IGF2BP1: variants seen among roughly 807,000 people sequenced by gnomAD.
IGF2BP1 encodes the protein insulin like growth factor 2 mRNA binding protein 1, also known as insulin-like growth factor 2 mRNA-binding protein 1.
In IGF2BP1, 11 loss-of-function variants were observed where a neutral mutation model predicts 74.9. That is an observed-to-expected ratio of 0.15 (90% CI 0.09 to 0.24). IGF2BP1 has a LOEUF of 0.24. Ranked by LOEUF, IGF2BP1 falls within the 10% of genes least tolerant of loss-of-function variation. The probability of loss-of-function intolerance (pLI) is 1.00; values close to 1 mark genes in which losing one functional copy is unlikely to be tolerated. For missense variants in IGF2BP1, 440 were observed against 757.4 expected, an observed-to-expected ratio of 0.58 and a Z score of 4.92; for synonymous variants, 287 against 281.8, an observed-to-expected ratio of 1.02 and a Z score of -0.18.
At chr17:49,038,144 T>C (rs1295080413) in intron 5 of IGF2BP1, 24 bp from the exon 6 acceptor site, 9 of 1,470,950 alleles carry the variant, frequency 6.1e-6, no homozygotes, top group Non-Finnish European at 8.1e-6. Flanking sequence ...TGGAATGACC[T>C]GTAGACTCTC....
chr17:49,025,848 C>T (rs1286817107), intron 3 of IGF2BP1, among the ~76,000 whole-genome samples, 182 bp downstream of exon 3: 1 of 121,982 alleles, frequency 8.2e-6, no homozygotes, highest in East Asian at 2.0e-4. Context: ...TTCTTTCTTT[C>T]TTTTCTTTCT....
At position 49,038,204 on chromosome 17, in the gene IGF2BP1, C is replaced by T. The variant is rs1567824526; in HGVS notation, c.438C>T (p.Asn146=). 1 of 1,533,618 alleles carries T rather than the reference C, an allele frequency of 6.5e-7. No homozygotes were observed. Among genetic ancestry groups the T allele is most frequent in the Non-Finnish European group, 8.8e-7 (1 of 1,136,712 alleles). Residue 146 remains asparagine (N), a synonymous_variant, in exon 6 of 15, where the codon AAC becomes AAT. Coordinates refer to ENST00000290341, the MANE Select transcript of IGF2BP1 (RefSeq NM_006546.4). ...IMKLNGHQLE[N]HALKVSYIPD... is the part of the protein sequence containing the mutation. ...AGCTGAATGGCCACCAGTTGGAGAA[C>T]CATGCCCTGAAGGTCTCCTACATCC...
chr17:49,050,668 G>A lies in IGF2BP1; in HGVS notation c.*1224G>A, dbSNP rs1233741972. On this transcript the variant is annotated 3_prime_UTR_variant, in exon 15 of 15. Coordinates refer to ENST00000290341, the MANE Select transcript of IGF2BP1 (RefSeq NM_006546.4). ...ATCTGAGAGGAATTTTTAACTGACG[G>A]CTTCTGTCTCCATGAATCATTATCA... The A allele has an allele frequency of 1.3e-5, 2 of 152,200 alleles. No homozygotes were observed. Among genetic ancestry groups the A allele is most frequent in the Non-Finnish European group, 2.9e-5 (2 of 68,038 alleles). 9.4% of individuals were successfully genotyped at this position (152,200 alleles called of 1,614,324 possible). A position where few individuals can be genotyped will look rare whatever the true frequency, so the allele number is the denominator to read the frequency against.
At position 49,043,695 on chromosome 17, in the gene IGF2BP1, T is replaced by G. The variant is rs371972898; in HGVS notation, c.1200+145T>G. The G allele has an allele frequency of 4.0e-4, 432 of 1,075,008 alleles. 2 individuals are homozygous for G. Among genetic ancestry groups the G allele is most frequent in the African/African-American group, 6.0e-4 (38 of 63,082 alleles). The allele number at this position is 1,075,008 out of a possible 1,614,324, so 66.6% of individuals were successfully genotyped here. ...TCTCAGAGGCATCCCTCCTCTCCAG[T>G]GCTCCTAGCCACTGGCTCTGAGGCT... is the stretch of plus-strand genomic sequence containing the variant. On this transcript the variant is annotated intron_variant, in intron 10 of 14. Coordinates refer to ENST00000290341, the MANE Select transcript of IGF2BP1 (RefSeq NM_006546.4).
At chr17:49,046,118 A>T in intron 13 of IGF2BP1, 97 bp downstream of exon 13, 1 of 1,502,104 alleles carries the variant, frequency 6.7e-7, no homozygotes. Context: ...AGGACTCCTG[A>T]TTTGCTCATT....
intron 2 of IGF2BP1, among the ~76,000 whole-genome samples, chr17:49,011,615 C>G (rs891154760): frequency 2.0e-5 from 3 of 151,632 alleles, no homozygotes; most frequent in Non-Finnish European, 4.4e-5. Context: ...CGTGAGCTCA[C>G]GTGTTTCACA....
At chr17:49,025,803 C>T in intron 3 of IGF2BP1, 137 bp downstream of exon 3, 7 of 542,112 alleles carry the variant, frequency 1.3e-5, no homozygotes, top group South Asian at 9.1e-5. Flanking sequence ...TCCTTTCTTT[C>T]TTTTTTTCTT....
rs1288542657 is a variant in IGF2BP1 at position 49,051,429 on chromosome 17, C to T, written c.*1985C>T. The T allele has an allele frequency of 6.6e-6, 1 of 152,650 alleles. No individual in the cohort carries two copies. Among genetic ancestry groups the T allele is most frequent in the Non-Finnish European group, 1.5e-5 (1 of 68,088 alleles). The allele number at this position is 152,650 out of a possible 1,614,324, so 9.5% of individuals were successfully genotyped here. Reference sequence around the variant, plus strand: ...TGAGAGAGCCCAGAGGGGCAGAGCCCAGAGCCTTGTTTGGCCCTGATCTCT... The same window carrying T: ...TGAGAGAGCCCAGAGGGGCAGAGCCTAGAGCCTTGTTTGGCCCTGATCTCT... On this transcript the variant is annotated 3_prime_UTR_variant, in exon 15 of 15. Transcript: ENST00000290341.
chr17:48,996,868 A>AC (rs568080116), upstream of IGF2BP1, among the ~76,000 whole-genome samples: 435 of 148,402 alleles, frequency 2.9e-3, 2 homozygotes, highest in African/African-American at 6.3e-3. Context: ...GAAGGCGGAG[A>AC]CCCCCCCCAT....
Position 49,031,901 on chromosome 17 carries a change from T to C in IGF2BP1, c.338-9T>C. The C allele has an allele frequency of 3.7e-6, 6 of 1,613,224 alleles. No homozygotes were observed. Among genetic ancestry groups the C allele is most frequent in the South Asian group, 1.1e-5 (1 of 91,040 alleles). ...CCTGCTCTGAGGTTATCCTCTCTTT[T>C]CTCTGCAGTGAACACCGAGAGTGAG... On this transcript the variant is annotated splice_polypyrimidine_tract_variant and intron_variant, in intron 4 of 14. Coordinates refer to ENST00000290341, the MANE Select transcript of IGF2BP1 (RefSeq NM_006546.4).
intron 5 of IGF2BP1, among the ~76,000 whole-genome samples, chr17:49,034,752 AAAAC>A (rs1567822925): frequency 2.0e-4 from 25 of 128,142 alleles, no homozygotes; most frequent in African/African-American, 8.3e-4. Flanking sequence ...AAACACAAAA[AAAAC>A]AAAAAAAACA....
chr17:49,018,268 TCTTGA>T (rs1343975425), intron 2 of IGF2BP1, among the ~76,000 whole-genome samples: 2 of 152,188 alleles, frequency 1.3e-5, no homozygotes, highest in Non-Finnish European at 1.5e-5. Flanking sequence ...ACCACCAGCT[TCTTGA>T]CTTCTGATTA....
chr17:49,041,355 A>G (rs1035878648), intron 7 of IGF2BP1, 23 bp from the exon 8 acceptor site: 3 of 1,613,242 alleles, frequency 1.9e-6, no homozygotes, highest in African/African-American at 2.7e-5. Context: ...CTTGTCTTCC[A>G]CTTCTTCCTT....
rs898259772 is a variant in IGF2BP1 at position 49,050,724 on chromosome 17, T to A, written c.*1280T>A. 1 of 152,332 alleles carries A rather than the reference T, an allele frequency of 6.6e-6. No homozygotes were observed. Among genetic ancestry groups the A allele is most frequent in the Non-Finnish European group, 1.5e-5 (1 of 68,044 alleles). The allele number at this position is 152,332 out of a possible 1,614,324, so 9.4% of individuals were successfully genotyped here. On this transcript the variant is annotated 3_prime_UTR_variant, in exon 15 of 15. Transcript: ENST00000290341. ...ATGAAAGGTGTGTCTAAAAAACAAT[T>A]CAGAATACCAGCAGCATTGTACAGC...
chr17:49,002,654 T>C (rs778430876), intron 2 of IGF2BP1, among the ~76,000 whole-genome samples: 1 of 151,996 alleles, frequency 6.6e-6, no homozygotes, highest in Non-Finnish European at 1.5e-5. Flanking sequence ...GTAGAAACAA[T>C]TGATTACTCT....
chr17:49,055,300 T>C lies in IGF2BP1; in HGVS notation c.*5856T>C. Reference sequence around the variant, plus strand: ...CTTGTTTAAGATAACGTGCTAGCTATTCCAACAGGTAACAGCTTTCACAGT... The same window carrying C: ...CTTGTTTAAGATAACGTGCTAGCTACTCCAACAGGTAACAGCTTTCACAGT... On this transcript the variant is annotated 3_prime_UTR_variant, in exon 15 of 15. Transcript: ENST00000290341. 1 of 235,392 alleles carries C rather than the reference T, an allele frequency of 4.2e-6. No homozygotes were observed. The highest frequency in any genetic ancestry group is 8.2e-6 in the Non-Finnish European group (1 of 122,252). 14.6% of individuals were successfully genotyped at this position (235,392 alleles called of 1,614,324 possible).
At chr17:49,026,708 C>CCTGCCTTCCTGCCTTCCTGCCTTT (rs2041862349) in intron 4 of IGF2BP1, among the ~76,000 whole-genome samples, 191 bp downstream of exon 4, 1 of 139,286 alleles carries the variant, frequency 7.2e-6, no homozygotes, top group Non-Finnish European at 1.6e-5. Context: ...TTCCTGCCTT[C>CCTGCCTTCCTGCCTTCCTGCCTTT]CTGCCTTCCT....
intron 2 of IGF2BP1, among the ~76,000 whole-genome samples, chr17:49,002,575 A>G (rs1358390994): frequency 1.3e-5 from 2 of 152,146 alleles, no homozygotes; most frequent in African/African-American, 4.8e-5. Flanking sequence ...ATCCAAGTCA[A>G]AAAGAAAGTT....
At chr17:49,044,667 A>G (rs1339718232) in intron 11 of IGF2BP1, among the ~76,000 whole-genome samples, 2 of 152,258 alleles carry the variant, frequency 1.3e-5, no homozygotes, top group Non-Finnish European at 2.9e-5. Context: ...ACTGCCCTCT[A>G]TCCGTTGGTC....
Sources: allele counts gnomAD v4.1 joint callset (sites outside exome capture counted in the v4.1 genomes callset), GRCh38; gene constraint gnomAD v4.1.1; transcripts MANE v1.5; gene names NCBI Gene and HGNC (gene_info 2026-07-23, HGNC 2026-07-21).